ANKRD44: variants seen among roughly 807,000 people sequenced by gnomAD.
ANKRD44 encodes ankyrin repeat domain 44.
Under a neutral mutation model 116.0 loss-of-function variants are expected in ANKRD44, and 35 were observed. The observed-to-expected ratio is 0.30, with a 90% CI of 0.23 to 0.40. The LOEUF is 0.40. ANKRD44 is among the 10% of genes least tolerant of loss of function. The pLI is 1.00. For missense variants in ANKRD44, 1,014 were observed against 1,242.6 expected, an observed-to-expected ratio of 0.82 and a Z score of 2.77; for synonymous variants, 435 against 461.8, an observed-to-expected ratio of 0.94 and a Z score of 0.74.
At chr2:197,101,315 G>C (rs2078288232) in intron 9 of ANKRD44, among the ~76,000 whole-genome samples, 1 of 151,932 alleles carries the variant, frequency 6.6e-6, no homozygotes, top group Non-Finnish European at 1.5e-5. Context: ...TTCTGGAGTT[G>C]TCTTTTGGTT....
intron 3 of ANKRD44, among the ~76,000 whole-genome samples, chr2:197,139,646 TAG>T (rs202012261): frequency 2.3e-4 from 26 of 114,308 alleles, no homozygotes; most frequent in South Asian, 2.9e-4. Context: ...GATATAGATA[TAG>T]ATATATATAT....
chr2:197,140,454 G>A (rs1239960517), intron 3 of ANKRD44, among the ~76,000 whole-genome samples: 1 of 152,126 alleles, frequency 6.6e-6, no homozygotes, highest in Non-Finnish European at 1.5e-5. Context: ...GAGTAGCTAG[G>A]ACTGCCAGCA....
At chr2:197,068,955 C>A (rs2125088186) in intron 16 of ANKRD44, among the ~76,000 whole-genome samples, 1 of 152,268 alleles carries the variant, frequency 6.6e-6, no homozygotes, top group Non-Finnish European at 1.5e-5. Context: ...TGGGTATATA[C>A]CCAAAGGATT....
At chr2:197,043,168 C>T (rs1193399135) in intron 16 of ANKRD44, among the ~76,000 whole-genome samples, 1 of 152,212 alleles carries the variant, frequency 6.6e-6, no homozygotes, top group East Asian at 1.9e-4. Context: ...AGAGGTGAAA[C>T]TGTTGACTAA....
chr2:197,290,072 C>G (rs928472492), intron 1 of ANKRD44, among the ~76,000 whole-genome samples: 2 of 152,030 alleles, frequency 1.3e-5, no homozygotes, highest in Non-Finnish European at 2.9e-5. Flanking sequence ...GTTGGCCAGG[C>G]TGGTCTCGAA....
intron 1 of ANKRD44, among the ~76,000 whole-genome samples, chr2:197,241,877 C>CA (rs1168386978): frequency 6.6e-6 from 1 of 151,932 alleles, no homozygotes; most frequent in African/African-American, 2.4e-5. Context: ...ATAAATAAGC[C>CA]AAAAACCTTC....
intron 16 of ANKRD44, among the ~76,000 whole-genome samples, chr2:197,060,409 GA>G (rs949550373): frequency 1.3e-5 from 2 of 152,122 alleles, no homozygotes; most frequent in Non-Finnish European, 2.9e-5. Flanking sequence ...TAACTGACAA[GA>G]AAAAATTGCA....
At position 197,093,099 on chromosome 2, in the gene ANKRD44, A is replaced by AACAC. The variant is rs147676501; in HGVS notation, c.1101-3071_1101-3068dup. Among the ~76,000 whole-genome samples the AACAC allele has an allele frequency of 7.4e-3, 1,063 of 144,522 alleles. 4 individuals are homozygous for AACAC. Among genetic ancestry groups the AACAC allele is most frequent in the Non-Finnish European group, 0.011 (702 of 64,666 alleles). The allele number at this position is 144,522 out of a possible 152,430, so 94.8% of individuals were successfully genotyped here. ...CTCCCTCATTCTTTAAATACATACA[A>AACAC]ACACACACACACACACACACACACA... is the stretch of plus-strand genomic sequence containing the variant. On this transcript the variant is annotated intron_variant, in intron 10 of 27. Transcript: ENST00000282272.
intron 16 of ANKRD44, among the ~76,000 whole-genome samples, chr2:197,030,681 T>C (rs2124884836): frequency 6.6e-6 from 1 of 152,332 alleles, no homozygotes; most frequent in East Asian, 1.9e-4. Flanking sequence ...GCCACTCTTT[T>C]AGATCTTCCA....
intron 1 of ANKRD44, among the ~76,000 whole-genome samples, chr2:197,217,050 T>A (rs2125713565): frequency 6.6e-6 from 1 of 152,262 alleles, no homozygotes; most frequent in Admixed American, 6.5e-5. Flanking sequence ...ACTCTGAAGA[T>A]GAAAAAGGTT....
At chr2:197,238,829 C>G (rs1177470047) in intron 1 of ANKRD44, among the ~76,000 whole-genome samples, 1 of 151,986 alleles carries the variant, frequency 6.6e-6, no homozygotes, top group African/African-American at 2.4e-5. Context: ...CTCAGCCTCC[C>G]GGGTAGCTGG....
intron 16 of ANKRD44, among the ~76,000 whole-genome samples, chr2:197,046,655 G>C (rs1038862444): frequency 1.5e-5 from 2 of 130,856 alleles, no homozygotes; most frequent in African/African-American, 2.8e-5. Flanking sequence ...AAAAAAAAAA[G>C]CTCCATAGTT....
intron 16 of ANKRD44, among the ~76,000 whole-genome samples, chr2:197,047,209 G>A (rs1286989284): frequency 3.3e-5 from 5 of 151,996 alleles, no homozygotes; most frequent in African/African-American, 1.2e-4. Flanking sequence ...CAGTAGAGAC[G>A]AGGTTTCTCA....
At chr2:197,134,435 GCAA>G in intron 4 of ANKRD44, 1 of 152,190 alleles carries the variant, frequency 6.6e-6, no homozygotes. Context: ...ACTTGGAGAA[GCAA>G]CAAAAGCCTT....
chr2:196,992,373 A>G (rs2075935822), intron 27 of ANKRD44, among the ~76,000 whole-genome samples: 1 of 152,208 alleles, frequency 6.6e-6, no homozygotes. Flanking sequence ...TAAAGGAATT[A>G]TGGTTGTACT....
intron 16 of ANKRD44, among the ~76,000 whole-genome samples, chr2:197,050,156 G>A (rs934863776): frequency 1.3e-5 from 2 of 151,976 alleles, no homozygotes; most frequent in Non-Finnish European, 2.9e-5. Flanking sequence ...GAGAGAAGGG[G>A]GATAGGCTAC....
At chr2:197,101,629 G>A (rs142510999) in intron 9 of ANKRD44, among the ~76,000 whole-genome samples, 1 of 152,290 alleles carries the variant, frequency 6.6e-6, no homozygotes, top group African/African-American at 2.4e-5. Context: ...GCTTGATTAT[G>A]TGGTTAAGGT....
chr2:197,214,151 C>T (rs370485704), intron 1 of ANKRD44, among the ~76,000 whole-genome samples: 52 of 152,008 alleles, frequency 3.4e-4, no homozygotes, highest in African/African-American at 1.1e-3. Context: ...CAGAGATGAG[C>T]ACAAAGATTT....
chr2:197,194,041 A>C (rs557425120), intron 1 of ANKRD44, among the ~76,000 whole-genome samples: 28 of 152,352 alleles, frequency 1.8e-4, no homozygotes, highest in Non-Finnish European at 2.5e-4. Context: ...CTTTATGTGC[A>C]TCCTAAAAAA....
Sources: allele counts gnomAD v4.1 joint callset (sites outside exome capture counted in the v4.1 genomes callset), GRCh38; gene constraint gnomAD v4.1.1; transcripts MANE v1.5; gene names NCBI Gene and HGNC (gene_info 2026-07-23, HGNC 2026-07-21).